The following PRKCQ variants were observed in gnomAD, a reference collection of about 807,000 sequenced individuals.
PRKCQ encodes protein kinase C theta type.
PRKCQ carries 41 observed loss-of-function variants against 91.2 expected under a neutral mutation model. The ratio of observed to expected loss-of-function variants is 0.45; its 90% confidence interval spans 0.35 to 0.58. The LOEUF (loss-of-function observed/expected upper bound fraction) is 0.58, where lower values mean the gene tolerates loss of function less well. Ranked by LOEUF, PRKCQ falls within the 20% of genes least tolerant of loss-of-function variation. The pLI is 0.00. For synonymous variants in PRKCQ, 307 were observed against 316.9 expected, an observed-to-expected ratio of 0.97 and a Z score of 0.33; for missense variants, 673 against 896.5, an observed-to-expected ratio of 0.75 and a Z score of 3.18.
intron 14 of PRKCQ, among the ~76,000 whole-genome samples, chr10:6,460,546 C>T (rs925887358): frequency 4.0e-5 from 6 of 151,734 alleles, no homozygotes; most frequent in African/African-American, 1.5e-4. Flanking sequence ...GGCTGGAGTG[C>T]AATGGTGTGA....
intron 1 of PRKCQ, among the ~76,000 whole-genome samples, chr10:6,564,833 C>T (rs564111628): frequency 2.0e-5 from 3 of 152,228 alleles, no homozygotes; most frequent in African/African-American, 7.2e-5. Context: ...GAATAAACTC[C>T]CCGCTGACAA....
At chr10:6,431,054 C>G in intron 16 of PRKCQ, 116 bp from the exon 17 acceptor site, 2 of 1,325,194 alleles carry the variant, frequency 1.5e-6, no homozygotes, top group South Asian at 3.0e-5. Flanking sequence ...TTTTTCTACT[C>G]ACCTTCATCA....
intron 1 of PRKCQ, among the ~76,000 whole-genome samples, chr10:6,520,971 A>T (rs941927305): frequency 3.3e-5 from 5 of 152,208 alleles, no homozygotes; most frequent in African/African-American, 1.2e-4. Context: ...GAACGAGTGC[A>T]TTTGGGTGCC....
chr10:6,450,821 T>C (rs1286021888), intron 15 of PRKCQ, among the ~76,000 whole-genome samples: 1 of 152,172 alleles, frequency 6.6e-6, no homozygotes, highest in East Asian at 1.9e-4. Context: ...TGCTCCTGAA[T>C]GACTACTGGG....
intron 16 of PRKCQ, among the ~76,000 whole-genome samples, chr10:6,438,566 C>A (rs181754277): frequency 6.6e-6 from 1 of 152,198 alleles, no homozygotes; most frequent in East Asian, 1.9e-4. Flanking sequence ...CACCTGCATT[C>A]TTGGTCCACT....
intron 1 of PRKCQ, among the ~76,000 whole-genome samples, chr10:6,525,691 G>A (rs910868027): frequency 1.3e-5 from 2 of 152,154 alleles, no homozygotes; most frequent in African/African-American, 4.8e-5. Context: ...CTAAGTCCAC[G>A]AGCAGGAGAA....
At chr10:6,410,106 C>T in the PRKCQ span, among the ~76,000 whole-genome samples, 1 of 152,210 alleles carries the variant, frequency 6.6e-6, no homozygotes, top group Admixed American at 6.5e-5. Context: ...CACGCTCTTC[C>T]TGTTGCATTC....
rs529452724 is a variant in PRKCQ at position 6,577,565 on chromosome 10, G to A, written c.-10+2646C>T. The stretch of plus-strand genomic sequence containing the variant: ...TACACACACACATACACACACACAC[G>A]GAATCACGTCTATATTGCTGGGATT... On this transcript the variant is annotated intron_variant, in intron 1 of 17. Coordinates refer to ENST00000263125, the MANE Select transcript of PRKCQ (RefSeq NM_006257.5). 4.0e-4 allele frequency among the ~76,000 whole-genome samples: 61 copies of A among 151,672 alleles called. 1 individual carries two copies. Among genetic ancestry groups the A allele is most frequent in the African/African-American group, 1.2e-3 (50 of 41,334 alleles).
At chr10:6,446,884 G>A (rs1225823191) in intron 15 of PRKCQ, among the ~76,000 whole-genome samples, 1 of 152,238 alleles carries the variant, frequency 6.6e-6, no homozygotes, top group Admixed American at 6.5e-5. Flanking sequence ...AACGACGCCA[G>A]AGCAAGCCTC....
chr10:6,501,801 G>A (rs1837930012), intron 4 of PRKCQ, among the ~76,000 whole-genome samples: 1 of 151,894 alleles, frequency 6.6e-6, no homozygotes, highest in Admixed American at 6.6e-5. Context: ...TCCAGCCTGG[G>A]CGACATGAGC....
intron 8 of PRKCQ, among the ~76,000 whole-genome samples, chr10:6,488,862 C>A (rs1837093362): frequency 6.6e-6 from 1 of 152,152 alleles, no homozygotes; most frequent in African/African-American, 2.4e-5. Context: ...TCACTGCAGC[C>A]TCAAACCCCT....
chr10:6,495,331 C>T (rs751348837), intron 7 of PRKCQ, among the ~76,000 whole-genome samples: 14 of 152,228 alleles, frequency 9.2e-5, no homozygotes, highest in Non-Finnish European at 1.6e-4. Flanking sequence ...TTCCAGTCTG[C>T]GCAGCCCTTG....
intron 4 of PRKCQ, among the ~76,000 whole-genome samples, chr10:6,506,837 T>C (rs757355122): frequency 6.6e-6 from 1 of 152,206 alleles, no homozygotes; most frequent in Non-Finnish European, 1.5e-5. Context: ...GGGGATTTGA[T>C]TCACATACAC....
the PRKCQ span, among the ~76,000 whole-genome samples, chr10:6,396,005 A>G: frequency 9.9e-5 from 15 of 152,172 alleles, no homozygotes; most frequent in African/African-American, 3.6e-4. Flanking sequence ...TCAAGCAGTG[A>G]GACTTCCTAG....
chr10:6,447,522 C>G (rs1834380704), intron 15 of PRKCQ, among the ~76,000 whole-genome samples: 1 of 152,020 alleles, frequency 6.6e-6, no homozygotes, highest in Non-Finnish European at 1.5e-5. Context: ...ATTATAGGAA[C>G]ACAGGGGGAA....
At chr10:6,449,045 C>A (rs570816141) in intron 15 of PRKCQ, among the ~76,000 whole-genome samples, 1 of 151,728 alleles carries the variant, frequency 6.6e-6, no homozygotes, top group African/African-American at 2.4e-5. Context: ...TCCAAAGGAA[C>A]GCAGTTCCTC....
intron 14 of PRKCQ, among the ~76,000 whole-genome samples, chr10:6,459,923 C>G (rs1835232317): frequency 2.0e-5 from 3 of 152,170 alleles, no homozygotes; most frequent in Non-Finnish European, 4.4e-5. Flanking sequence ...CCTATGAGGT[C>G]AAAAGAAAGA....
chr10:6,503,943 A>G (rs573191786), intron 4 of PRKCQ, among the ~76,000 whole-genome samples: 2 of 152,124 alleles, frequency 1.3e-5, no homozygotes, highest in African/African-American at 2.4e-5. Context: ...TACCCAGGTA[A>G]TTTTTAAATT....
intron 1 of PRKCQ, among the ~76,000 whole-genome samples, chr10:6,570,201 G>A (rs1840988466): frequency 6.6e-6 from 1 of 152,058 alleles, no homozygotes; most frequent in South Asian, 2.1e-4. Flanking sequence ...AGGAGAGTGC[G>A]GGTGATCATT....
Sources: allele counts gnomAD v4.1 joint callset (sites outside exome capture counted in the v4.1 genomes callset), GRCh38; gene constraint gnomAD v4.1.1; transcripts MANE v1.5; gene names NCBI Gene and HGNC (gene_info 2026-07-23, HGNC 2026-07-21).